CSMD1: variants seen among roughly 807,000 people sequenced by gnomAD.
CSMD1 encodes the protein CUB and sushi domain-containing protein 1.
CSMD1 carries 213 observed loss-of-function variants against 417.5 expected under a neutral mutation model. The observed-to-expected ratio is 0.51, with a 90% CI of 0.46 to 0.57. The LOEUF is 0.57. CSMD1 is among the 20% of genes least tolerant of loss of function. The pLI, the probability that CSMD1 is intolerant of heterozygous loss-of-function variation, is 0.00. For synonymous variants in CSMD1, 2,862 were observed against 1,736.8 expected (o/e 1.65, Z -16.11); for missense variants, 6,923 against 4,529.7 (o/e 1.53, Z -15.17).
chr8:3,565,249 C>T (rs1469502480), intron 10 of CSMD1, among the ~76,000 whole-genome samples: 2 of 147,222 alleles, frequency 1.4e-5, no homozygotes, highest in Non-Finnish European at 3.0e-5. Flanking sequence ...TGATGACAGC[C>T]AAGATGAACT....
chr8:4,639,997 T>C (rs1027454684), intron 1 of CSMD1, among the ~76,000 whole-genome samples: 5 of 151,892 alleles, frequency 3.3e-5, no homozygotes, highest in African/African-American at 1.2e-4. Flanking sequence ...TGCTTAACAG[T>C]AAATCAAAAA....
At chr8:3,640,930 G>C (rs1271501863) in intron 7 of CSMD1, among the ~76,000 whole-genome samples, 1 of 151,034 alleles carries the variant, frequency 6.6e-6, no homozygotes, top group African/African-American at 2.4e-5. Context: ...GTCTTTATTT[G>C]TGAGGGAAAG....
At chr8:3,116,238 T>C (rs1228556576) in intron 42 of CSMD1, among the ~76,000 whole-genome samples, 1 of 152,244 alleles carries the variant, frequency 6.6e-6, no homozygotes, top group African/African-American at 2.4e-5. Flanking sequence ...TTGTTTTCAA[T>C]ATTTATGATA....
At chr8:3,463,500 T>C (rs1255821583) in intron 12 of CSMD1, among the ~76,000 whole-genome samples, 2 of 152,164 alleles carry the variant, frequency 1.3e-5, no homozygotes, top group Non-Finnish European at 2.9e-5. Context: ...ACCTTCTCTT[T>C]AGGGTTTTAG....
At chr8:3,800,807 A>G (rs1436250694) in intron 5 of CSMD1, among the ~76,000 whole-genome samples, 1 of 152,088 alleles carries the variant, frequency 6.6e-6, no homozygotes, top group Non-Finnish European at 1.5e-5. Context: ...GTACGTGCCC[A>G]CTTCCCCTTT....
At chr8:4,558,870 A>C (rs535550232) in intron 2 of CSMD1, among the ~76,000 whole-genome samples, 3 of 152,316 alleles carry the variant, frequency 2.0e-5, no homozygotes, top group South Asian at 4.1e-4. Flanking sequence ...TCCGTCTCAA[A>C]ATAAATAAAT....
At chr8:3,123,609 G>GA (rs11390313) in intron 41 of CSMD1, among the ~76,000 whole-genome samples, 40,059 of 150,822 alleles carry the variant, frequency 0.27, 10,805 homozygotes, top group African/African-American at 0.69. Flanking sequence ...AAAACGTTAA[G>GA]AAAAAAAAAC....
intron 25 of CSMD1, among the ~76,000 whole-genome samples, chr8:3,304,592 T>C (rs894917586): frequency 2.6e-5 from 4 of 152,180 alleles, no homozygotes; most frequent in Non-Finnish European, 5.9e-5. Context: ...AAGTTTATGC[T>C]TTAAATTTAA....
chr8:4,287,926 G>GT (rs1319731617), intron 3 of CSMD1, among the ~76,000 whole-genome samples: 1 of 151,984 alleles, frequency 6.6e-6, no homozygotes, highest in African/African-American at 2.4e-5. Flanking sequence ...CTATGGTCAT[G>GT]TTTAGTTGCA....
intron 2 of CSMD1, among the ~76,000 whole-genome samples, chr8:4,445,824 G>T (rs567257360): frequency 1.9e-4 from 29 of 152,334 alleles, no homozygotes; most frequent in Admixed American, 5.9e-4. Flanking sequence ...TGTTTAAATT[G>T]CCTACTTAGT....
rs539065684 is a variant in CSMD1, at chr8:4,055,616, T to G, written c.416-23517A>C. ...ATAACGTTAAGAATTTTAATGAATA[T>G]AAAATATTAATGGAAAATATTAAAA... On this transcript the variant is annotated intron_variant, in intron 3 of 69. Transcript: ENST00000635120. Among the ~76,000 whole-genome samples, 39 of 152,172 alleles carry G rather than the reference T, an allele frequency of 2.6e-4. No homozygotes were observed. The South Asian group carries it at 7.7e-3, about 30-fold the overall frequency.
chr8:3,843,873 G>T (rs541772140), intron 5 of CSMD1, among the ~76,000 whole-genome samples: 92 of 152,308 alleles, frequency 6.0e-4, no homozygotes, highest in Non-Finnish European at 1.2e-3. Flanking sequence ...GACAGATATT[G>T]TGAGTACAAT....
intron 8 of CSMD1, among the ~76,000 whole-genome samples, chr8:3,603,341 T>C (rs1300269442): frequency 6.6e-6 from 1 of 152,160 alleles, no homozygotes; most frequent in Non-Finnish European, 1.5e-5. Flanking sequence ...TTTTAAGTTG[T>C]GAAAACACTT....
At chr8:4,075,619 T>C (rs13254860) in intron 3 of CSMD1, among the ~76,000 whole-genome samples, 58,354 of 152,064 alleles carry the variant, frequency 0.38, 13,191 homozygotes, top group Non-Finnish European at 0.48. Flanking sequence ...TAATCTATTA[T>C]TGTAGTATAA....
intron 5 of CSMD1, among the ~76,000 whole-genome samples, chr8:3,920,513 A>G (rs11136678): frequency 0.23 from 35,624 of 152,094 alleles, 5,113 homozygotes; most frequent in East Asian, 0.42. Flanking sequence ...TTTCAGTACT[A>G]TATTAAGTAC....
At chr8:4,293,617 A>G (rs1389622752) in intron 3 of CSMD1, among the ~76,000 whole-genome samples, 2 of 152,200 alleles carry the variant, frequency 1.3e-5, no homozygotes, top group Non-Finnish European at 1.5e-5. Flanking sequence ...CAATACTGCA[A>G]TCGTGTATTT....
chr8:3,719,423 T>C (rs1261563339), intron 6 of CSMD1, among the ~76,000 whole-genome samples: 3 of 152,212 alleles, frequency 2.0e-5, no homozygotes, highest in African/African-American at 7.2e-5. Context: ...TAGTTTCTCA[T>C]TCTTTTTCCA....
In CSMD1 at chr8:4,005,967, G is replaced by A. The variant is rs537887078; in HGVS notation, c.611-7857C>T. Among the ~76,000 whole-genome samples the A allele has an allele frequency of 3.9e-5, 6 of 152,204 alleles. No homozygotes were observed. The South Asian group carries it at 1.0e-3, about 26-fold the overall frequency. On this transcript the variant is annotated intron_variant, in intron 4 of 69. Coordinates refer to ENST00000635120, the MANE Select transcript of CSMD1 (RefSeq NM_033225.6). Reference sequence around the variant, plus strand: ...ATTAATTTATTCATTCAATACATACGAAAACTAATTCTCTACTAGAATGAG... The same window carrying A: ...ATTAATTTATTCATTCAATACATACAAAAACTAATTCTCTACTAGAATGAG...
chr8:3,360,678 G>A (rs1377542441), intron 20 of CSMD1, among the ~76,000 whole-genome samples: 5 of 152,184 alleles, frequency 3.3e-5, no homozygotes, highest in South Asian at 4.1e-4. Context: ...TTAGTTTACC[G>A]TGGGGAAGAA....
Sources: allele counts gnomAD v4.1 joint callset (sites outside exome capture counted in the v4.1 genomes callset), GRCh38; gene constraint gnomAD v4.1.1; transcripts MANE v1.5; gene names NCBI Gene and HGNC (gene_info 2026-07-23, HGNC 2026-07-21).